The following FAT3 variants were observed in gnomAD, a reference collection of about 807,000 sequenced individuals.
FAT3 encodes protocadherin Fat 3.
FAT3 carries 95 observed loss-of-function variants against 310.2 expected under a neutral mutation model. That is an observed-to-expected ratio of 0.31 (90% CI 0.26 to 0.36). FAT3 has a LOEUF of 0.36. FAT3 is among the 10% of genes least tolerant of loss of function. The pLI is 1.00. For missense variants in FAT3, 5,408 were observed against 5,715.6 expected (o/e 0.95, Z 1.74); for synonymous variants, 2,314 against 2,192.9 (o/e 1.06, Z -1.54).
chr11:92,509,950 T>A (rs1413558297), intron 2 of FAT3, among the ~76,000 whole-genome samples: 1 of 152,152 alleles, frequency 6.6e-6, no homozygotes, highest in Non-Finnish European at 1.5e-5. Flanking sequence ...GCCTAGTAAT[T>A]AGTTTGAATG....
intron 3 of FAT3, among the ~76,000 whole-genome samples, chr11:92,577,143 C>G (rs1320033493): frequency 1.3e-5 from 2 of 151,786 alleles, no homozygotes; most frequent in Non-Finnish European, 2.9e-5. Context: ...TGGAGTCTTG[C>G]TCTGTTGCCC....
chr11:92,507,473 G>T (rs552639172), intron 2 of FAT3, among the ~76,000 whole-genome samples: 1 of 152,006 alleles, frequency 6.6e-6, no homozygotes, highest in South Asian at 2.1e-4. Flanking sequence ...ATATATATGT[G>T]TGGGGGTGTG....
rs1338896648 is a variant in FAT3, at chr11:92,865,021, A to G, written c.11659-1720A>G. Among the ~76,000 whole-genome samples, 4 of 152,164 alleles carry G rather than the reference A, an allele frequency of 2.6e-5. No homozygotes were observed. The East Asian group carries it at 7.7e-4, about 29-fold the overall frequency. On this transcript the variant is annotated intron_variant, in intron 21 of 27. Transcript: ENST00000525166. ...CAGTTCTCTCTGCTCTCCAGACCCA[A>G]ACCCAGAGGGGCCAGACCATTCTCT...
At chr11:92,567,278 T>A (rs1238430995) in intron 3 of FAT3, among the ~76,000 whole-genome samples, 2 of 135,174 alleles carry the variant, frequency 1.5e-5, no homozygotes, top group African/African-American at 2.9e-5. Flanking sequence ...AAAAAACACA[T>A]GAAAAAATGC....
chr11:92,424,662 A>T (rs2134994420), intron 2 of FAT3, among the ~76,000 whole-genome samples: 1 of 152,248 alleles, frequency 6.6e-6, no homozygotes, highest in Non-Finnish European at 1.5e-5. Context: ...AGGAGGAAGA[A>T]CTCTGCAAAT....
chr11:92,847,964 C>A (rs1185123843), intron 19 of FAT3, among the ~76,000 whole-genome samples: 2 of 152,048 alleles, frequency 1.3e-5, no homozygotes, highest in Non-Finnish European at 2.9e-5. Flanking sequence ...CAGGTGCACA[C>A]ACTCACATGC....
intron 3 of FAT3, among the ~76,000 whole-genome samples, chr11:92,659,503 A>G (rs904562969): frequency 2.6e-5 from 4 of 152,158 alleles, no homozygotes; most frequent in African/African-American, 9.7e-5. Context: ...TTTTCCTTCT[A>G]TGCATGCTCA....
At chr11:92,667,135 G>A (rs1243158584) in intron 3 of FAT3, among the ~76,000 whole-genome samples, 2 of 152,120 alleles carry the variant, frequency 1.3e-5, no homozygotes, top group Non-Finnish European at 2.9e-5. Context: ...GATGCCTAAG[G>A]TTCTACTTGT....
At chr11:92,728,068 A>T (rs897718944) in intron 4 of FAT3, among the ~76,000 whole-genome samples, 3 of 152,090 alleles carry the variant, frequency 2.0e-5, no homozygotes, top group African/African-American at 7.2e-5. Context: ...GTGGTTTTAC[A>T]TAGCTCTGGT....
chr11:92,305,253 T>C (rs1270379011), intron 1 of FAT3, among the ~76,000 whole-genome samples: 2 of 152,084 alleles, frequency 1.3e-5, no homozygotes, highest in African/African-American at 4.8e-5. Flanking sequence ...GCTATGTTGG[T>C]TTCAGAGTAA....
chr11:92,438,190 A>C (rs1352641184), intron 2 of FAT3, among the ~76,000 whole-genome samples: 1 of 152,246 alleles, frequency 6.6e-6, no homozygotes, highest in Non-Finnish European at 1.5e-5. Context: ...TTAAAAATAA[A>C]ATAAAGACAT....
intron 22 of FAT3, among the ~76,000 whole-genome samples, chr11:92,871,543 C>T (rs1176624786): frequency 1.3e-5 from 2 of 152,162 alleles, no homozygotes; most frequent in Non-Finnish European, 2.9e-5. Flanking sequence ...TGTTCTCAAA[C>T]TCTAAGATGC....
chr11:92,365,559 G>A (rs964993742), intron 2 of FAT3, among the ~76,000 whole-genome samples: 1 of 152,232 alleles, frequency 6.6e-6, no homozygotes, highest in African/African-American at 2.4e-5. Flanking sequence ...GCACTGAAGA[G>A]GATGTATAGA....
chr11:92,541,096 C>T (rs753326060), intron 3 of FAT3, among the ~76,000 whole-genome samples: 1 of 152,120 alleles, frequency 6.6e-6, no homozygotes, highest in Non-Finnish European at 1.5e-5. Context: ...TTTACTTACT[C>T]ACTCATTCAT....
intron 3 of FAT3, among the ~76,000 whole-genome samples, chr11:92,622,668 A>T (rs1312594342): frequency 6.6e-6 from 1 of 152,194 alleles, no homozygotes; most frequent in East Asian, 1.9e-4. Flanking sequence ...TGTTTTCATG[A>T]CATTTTAGGA....
intron 19 of FAT3, among the ~76,000 whole-genome samples, chr11:92,851,853 T>A (rs1948837791): frequency 6.6e-6 from 1 of 152,240 alleles, no homozygotes; most frequent in African/African-American, 2.4e-5. Context: ...CAGGAGTTGA[T>A]ACTGCCTTCT....
intron 2 of FAT3, among the ~76,000 whole-genome samples, chr11:92,426,391 T>A (rs575389): frequency 0.71 from 107,210 of 152,034 alleles, 39,833 homozygotes; most frequent in Non-Finnish European, 0.8. Context: ...TAGACCCCAT[T>A]TGTCAATTTT....
rs188434517 is a variant in FAT3 at position 92,889,710 on chromosome 11, A to T, written c.13112-146A>T. On this transcript the variant is annotated intron_variant, in intron 26 of 27. Transcript: ENST00000525166. ...TGCTTTGTTTTTTCCCTAAATAACAATGGGAAGAAATAAAAAAGGCTAAAC... is the reference window on the plus strand; with the variant it reads ...TGCTTTGTTTTTTCCCTAAATAACATTGGGAAGAAATAAAAAAGGCTAAAC... The T allele has an allele frequency of 8.7e-4, 543 of 623,722 alleles. 3 individuals carry two copies. Among genetic ancestry groups the T allele is most frequent in the East Asian group, 3.9e-3 (141 of 36,146 alleles). 38.6% of individuals were successfully genotyped at this position (623,722 alleles called of 1,614,324 possible). A position where few individuals can be genotyped will look rare whatever the true frequency, so the allele number is the denominator to read the frequency against.
At chr11:92,316,216 C>T (rs1947457890) in intron 1 of FAT3, among the ~76,000 whole-genome samples, 1 of 151,876 alleles carries the variant, frequency 6.6e-6, no homozygotes, top group East Asian at 2.0e-4. Context: ...ATAGGGGGAC[C>T]AGCTTACTTT....
Sources: gnomAD v4.1 joint callset for allele counts (sites outside exome capture counted in the v4.1 genomes callset) on GRCh38, gnomAD v4.1.1 for gene constraint, MANE v1.5 for transcripts, NCBI Gene and HGNC (gene_info 2026-07-23, HGNC 2026-07-21) for gene names.